SLC44A5: variants seen among roughly 807,000 people sequenced by gnomAD.
SLC44A5 encodes the protein solute carrier family 44 member 5.
SLC44A5 carries 57 observed loss-of-function variants against 101.8 expected under a neutral mutation model. The observed-to-expected ratio is 0.56, with a 90% CI of 0.45 to 0.70. The LOEUF (loss-of-function observed/expected upper bound fraction) is 0.70. Among genes scored for constraint, SLC44A5 ranks in the 30% least tolerant of loss-of-function variants. SLC44A5 has a pLI of 0.00. For synonymous variants in SLC44A5, 281 were observed against 290.9 expected, an observed-to-expected ratio of 0.97 and a Z score of 0.35; for missense variants, 737 against 853.1, an observed-to-expected ratio of 0.86 and a Z score of 1.70.
chr1:75,246,599 A>G (rs1649126084), intron 7 of SLC44A5, among the ~76,000 whole-genome samples: 5 of 152,106 alleles, frequency 3.3e-5, no homozygotes, highest in Admixed American at 3.3e-4. Context: ...GGTAATAAAT[A>G]GTAGTAAATA....
intron 2 of SLC44A5, among the ~76,000 whole-genome samples, chr1:75,413,125 G>A (rs577438592): frequency 6.6e-6 from 1 of 152,046 alleles, no homozygotes; most frequent in Non-Finnish European, 1.5e-5. Context: ...TATTACAATT[G>A]TCCTATTTAT....
At chr1:75,467,639 A>C (rs1023582424) in intron 2 of SLC44A5, among the ~76,000 whole-genome samples, 4 of 152,180 alleles carry the variant, frequency 2.6e-5, no homozygotes, top group African/African-American at 7.2e-5. Context: ...ATGCAGAAGA[A>C]CGAAAGTAGA....
intron 2 of SLC44A5, among the ~76,000 whole-genome samples, chr1:75,488,255 C>T (rs535545169): frequency 1.4e-4 from 22 of 152,022 alleles, no homozygotes; most frequent in Admixed American, 3.3e-4. Context: ...TCCCAAAGTC[C>T]GTGGAAAAAT....
the SLC44A5 span, among the ~76,000 whole-genome samples, chr1:75,618,147 T>G: frequency 6.6e-6 from 1 of 152,266 alleles, no homozygotes; most frequent in African/African-American, 2.4e-5. Context: ...TTTTCTAATT[T>G]ATTCCTTCCA....
chr1:75,337,038 G>A (rs1352053108), intron 4 of SLC44A5, among the ~76,000 whole-genome samples: 1 of 152,132 alleles, frequency 6.6e-6, no homozygotes, highest in Non-Finnish European at 1.5e-5. Context: ...TAGAAGTCCT[G>A]AAGTTTAAAC....
chr1:75,656,464 T>A, the SLC44A5 span, among the ~76,000 whole-genome samples: 1 of 152,190 alleles, frequency 6.6e-6, no homozygotes, highest in African/African-American at 2.4e-5. Flanking sequence ...TTTGTTGAGA[T>A]AGGCTATATA....
chr1:75,585,045 T>A (rs979566523), intron 1 of SLC44A5, among the ~76,000 whole-genome samples: 1 of 152,222 alleles, frequency 6.6e-6, no homozygotes, highest in Non-Finnish European at 1.5e-5. Flanking sequence ...AGCCAGAAAG[T>A]CAGAAAGCCT....
intron 1 of SLC44A5, among the ~76,000 whole-genome samples, chr1:75,542,722 T>C (rs755615152): frequency 3.9e-5 from 6 of 152,160 alleles, no homozygotes; most frequent in Non-Finnish European, 7.4e-5. Flanking sequence ...AAAGCTTACA[T>C]ATTTAAGATT....
chr1:75,653,774 T>C, the SLC44A5 span, among the ~76,000 whole-genome samples: 1 of 152,370 alleles, frequency 6.6e-6, no homozygotes, highest in South Asian at 2.1e-4. Flanking sequence ...CATAGCAAGC[T>C]GGACTTTAGC....
chr1:75,426,700 A>T (rs921032825), intron 2 of SLC44A5, among the ~76,000 whole-genome samples: 14 of 152,222 alleles, frequency 9.2e-5, no homozygotes, highest in Non-Finnish European at 1.8e-4. Flanking sequence ...AGGCTGACTC[A>T]CTTTCCTAAG....
intron 2 of SLC44A5, among the ~76,000 whole-genome samples, chr1:75,514,306 T>C (rs1347560308): frequency 6.6e-6 from 1 of 152,228 alleles, no homozygotes; most frequent in Non-Finnish European, 1.5e-5. Flanking sequence ...TATATTCTTA[T>C]ATACTTATCT....
intron 2 of SLC44A5, among the ~76,000 whole-genome samples, chr1:75,518,614 A>G (rs1394142285): frequency 6.6e-6 from 1 of 152,240 alleles, no homozygotes; most frequent in East Asian, 1.9e-4. Flanking sequence ...CGATATAATT[A>G]AACTTGTTTT....
At chr1:75,480,662 A>C (rs1358203593) in intron 2 of SLC44A5, among the ~76,000 whole-genome samples, 1 of 152,022 alleles carries the variant, frequency 6.6e-6, no homozygotes, top group African/African-American at 2.4e-5. Context: ...AATTGCTTCA[A>C]AGAGAATAAA....
chr1:75,406,275 C>T (rs1485211450), intron 2 of SLC44A5, among the ~76,000 whole-genome samples: 4 of 152,110 alleles, frequency 2.6e-5, no homozygotes, highest in Middle Eastern at 3.2e-3. Context: ...CCAAATTCTA[C>T]CAGAGGTACA....
chr1:75,238,258 C>G (rs1203783510), intron 10 of SLC44A5, among the ~76,000 whole-genome samples: 1 of 150,370 alleles, frequency 6.7e-6, no homozygotes, highest in Non-Finnish European at 1.5e-5. Flanking sequence ...TATGGCCCCA[C>G]TGCTCTGCAG....
At chr1:75,234,256 G>C (rs1647868754) in intron 11 of SLC44A5, among the ~76,000 whole-genome samples, 158 bp from the exon 12 acceptor site, 1 of 152,026 alleles carries the variant, frequency 6.6e-6, no homozygotes. Context: ...TGTAAACAAT[G>C]ATTTCCATTA....
intron 2 of SLC44A5, among the ~76,000 whole-genome samples, chr1:75,425,954 G>A (rs1664284035): frequency 6.6e-6 from 1 of 152,064 alleles, no homozygotes; most frequent in African/African-American, 2.4e-5. Flanking sequence ...TTTTCTTCAG[G>A]TGAGTTTTCT....
At chr1:75,561,042 G>C (rs903333636) in intron 1 of SLC44A5, among the ~76,000 whole-genome samples, 4 of 151,976 alleles carry the variant, frequency 2.6e-5, no homozygotes, top group African/African-American at 9.7e-5. Context: ...GTGTCCACAG[G>C]GTAATTCAAC....
At chr1:75,261,257 A>C (rs931379651) in intron 6 of SLC44A5, among the ~76,000 whole-genome samples, 2 of 151,952 alleles carry the variant, frequency 1.3e-5, no homozygotes, top group African/African-American at 4.8e-5. Context: ...AATGATGAAC[A>C]AAATAGTCAG....
Sources: gnomAD v4.1 joint callset for allele counts (sites outside exome capture counted in the v4.1 genomes callset) on GRCh38, gnomAD v4.1.1 for gene constraint, MANE v1.5 for transcripts, NCBI Gene and HGNC (gene_info 2026-07-23, HGNC 2026-07-21) for gene names.